WDR93: variants seen among roughly 807,000 people sequenced by gnomAD.
WDR93 encodes the protein WD repeat-containing protein 93.
In WDR93, 73 loss-of-function variants were observed where a neutral mutation model predicts 82.9. The observed-to-expected ratio is 0.88, with a 90% CI of 0.73 to 1.07. WDR93 has a LOEUF of 1.07. WDR93 is among the 50% of genes least tolerant of loss of function. The probability of loss-of-function intolerance (pLI) is 0.00; values close to 1 mark genes in which losing one functional copy is unlikely to be tolerated. For synonymous variants in WDR93, 283 were observed against 300.1 expected (o/e 0.94, Z 0.59); for missense variants, 738 against 826.0 (o/e 0.89, Z 1.31).
In WDR93 at chr15:89,727,379, G is replaced by A. The variant is rs558196429; in HGVS notation, c.1052+51G>A. ...CAGGGAGCATCCCCAGGCTTCTGCTGTCTTGGCACATGCAGGAATCAACCC... is the reference window on the plus strand; with the variant it reads ...CAGGGAGCATCCCCAGGCTTCTGCTATCTTGGCACATGCAGGAATCAACCC... On this transcript the variant is annotated intron_variant, in intron 9 of 16. Transcript: ENST00000268130. 6.3e-6 allele frequency: 10 copies of A among 1,588,012 alleles called. No individual in the cohort carries two copies. The South Asian group carries it at 1.0e-4, about 16-fold the overall frequency.
intron 4 of WDR93, among the ~76,000 whole-genome samples, chr15:89,706,347 G>T (rs1307446137): frequency 6.6e-6 from 1 of 151,570 alleles, no homozygotes; most frequent in Non-Finnish European, 1.5e-5. Flanking sequence ...TAGAGACAGG[G>T]TCTTGCCATG....
chr15:89,721,767 A>G (rs971745729), intron 7 of WDR93, among the ~76,000 whole-genome samples: 1 of 151,666 alleles, frequency 6.6e-6, no homozygotes, highest in African/African-American at 2.4e-5. Context: ...TGGGACTACA[A>G]GTGTGTCACC....
In WDR93 at chr15:89,733,038, G is replaced by C. The variant is rs746597989; in HGVS notation, c.1363G>C (p.Gly455Arg). Residue 455 changes from glycine to arginine, a missense_variant, in exon 13 of 17, where the codon GGA becomes CGA. Transcript: ENST00000268130. ...TCTTGGGGTCGCTGCTCTTCCTCAG[G>C]GATGTTTCTGCCAAAGCATTCACTT... ...FPLGVAALPQ[G>R]CFCQSIHFLK... The C allele has an allele frequency of 6.2e-7, 1 of 1,613,974 alleles. No individual in the cohort carries two copies. Among genetic ancestry groups the C allele is most frequent in the Non-Finnish European group, 8.5e-7 (1 of 1,180,038 alleles).
intron 1 of WDR93, among the ~76,000 whole-genome samples, chr15:89,691,556 A>G (rs892980042): frequency 8.5e-5 from 13 of 152,052 alleles, no homozygotes; most frequent in Non-Finnish European, 2.9e-5. Context: ...CGTCTCTACT[A>G]AAAATACAAA....
At chr15:89,715,989 TATATTA>T (rs1358301005) in intron 6 of WDR93, among the ~76,000 whole-genome samples, 34 of 152,256 alleles carry the variant, frequency 2.2e-4, no homozygotes, top group Non-Finnish European at 1.6e-4. Flanking sequence ...CCAACATTAA[TATATTA>T]ATATTAACTG....
At chr15:89,722,382 C>T (rs1304234546) in intron 8 of WDR93, among the ~76,000 whole-genome samples, 1 of 152,200 alleles carries the variant, frequency 6.6e-6, no homozygotes, top group African/African-American at 2.4e-5. Context: ...GATATCTTTT[C>T]TGAATTGCCA....
chr15:89,743,604 G>A lies in WDR93; in HGVS notation c.*213G>A. 3.4e-6 allele frequency: 2 copies of A among 581,476 alleles called. No homozygotes were observed. The highest frequency in any genetic ancestry group is 3.1e-6 in the Non-Finnish European group (1 of 326,468). 36.0% of individuals were successfully genotyped at this position (581,476 alleles called of 1,614,324 possible). On this transcript the variant is annotated 3_prime_UTR_variant, in exon 17 of 17. Coordinates refer to ENST00000268130, the MANE Select transcript of WDR93 (RefSeq NM_020212.2). ...TGTCAGAGCCCTCAGGCAGGCAGATGTGTCACCCAAATAAACAGTGATATT... is the reference window on the plus strand; with the variant it reads ...TGTCAGAGCCCTCAGGCAGGCAGATATGTCACCCAAATAAACAGTGATATT...
chr15:89,716,831 G>A, intron 6 of WDR93, 80 bp from the exon 7 acceptor site: 2 of 996,770 alleles, frequency 2.0e-6, no homozygotes, highest in Non-Finnish European at 3.0e-6. Context: ...GAGGGGAAGA[G>A]AGAGCATGCC....
intron 14 of WDR93, among the ~76,000 whole-genome samples, chr15:89,737,041 T>G (rs1402408626): frequency 6.6e-6 from 1 of 152,190 alleles, no homozygotes; most frequent in Non-Finnish European, 1.5e-5. Flanking sequence ...TCCGCCCACC[T>G]TGGCCTCCCA....
chr15:89,716,796 C>G (rs1966270530), intron 6 of WDR93, 115 bp from the exon 7 acceptor site: 2 of 753,020 alleles, frequency 2.7e-6, no homozygotes, highest in Admixed American at 5.5e-5. Flanking sequence ...ACATCTGTTG[C>G]ATGAATTCAC....
chr15:89,729,099 T>A lies in WDR93; in HGVS notation c.1123+6T>A. 6.2e-7 allele frequency: 1 copy of A among 1,613,672 alleles called. No individual in the cohort carries two copies. Among genetic ancestry groups the A allele is most frequent in the Non-Finnish European group, 8.5e-7 (1 of 1,179,638 alleles). On this transcript the variant is annotated splice_donor_region_variant and intron_variant, in intron 10 of 16. Coordinates refer to ENST00000268130, the MANE Select transcript of WDR93 (RefSeq NM_020212.2). ...GGAAGTCAAGGGCCCCTCAGGTAAA[T>A]GAACATGAAGTGGGTGGTTGTCCTA...
upstream of WDR93, among the ~76,000 whole-genome samples, chr15:89,690,363 G>A (rs1365225553): frequency 6.6e-6 from 1 of 152,214 alleles, no homozygotes; most frequent in Non-Finnish European, 1.5e-5. Flanking sequence ...TTTCGTGCAC[G>A]GGGCTAGGAC....
chr15:89,691,534 A>G (rs1311912755), intron 1 of WDR93, among the ~76,000 whole-genome samples: 1 of 152,182 alleles, frequency 6.6e-6, no homozygotes, highest in Non-Finnish European at 1.5e-5. Flanking sequence ...CCTGGCCAAC[A>G]GGGTGAAACC....
At chr15:89,698,921 T>A (rs1965317714) in intron 1 of WDR93, among the ~76,000 whole-genome samples, 1 of 152,154 alleles carries the variant, frequency 6.6e-6, no homozygotes, top group African/African-American at 2.4e-5. Flanking sequence ...AAACAGGATA[T>A]CTGTCACCCA....
intron 6 of WDR93, among the ~76,000 whole-genome samples, chr15:89,716,262 G>A (rs1966248461): frequency 6.6e-6 from 1 of 152,134 alleles, no homozygotes; most frequent in African/African-American, 2.4e-5. Context: ...CTCACATACT[G>A]CCTAGGTTTG....
intron 5 of WDR93, among the ~76,000 whole-genome samples, chr15:89,713,165 T>C (rs1966079219): frequency 7.3e-6 from 1 of 137,726 alleles, no homozygotes; most frequent in Non-Finnish European, 1.6e-5. Context: ...CTCCTGGAGG[T>C]AAGAGAATCA....
intron 14 of WDR93, among the ~76,000 whole-genome samples, 153 bp downstream of exon 14, chr15:89,735,706 C>A (rs935341096): frequency 6.6e-6 from 1 of 152,216 alleles, no homozygotes; most frequent in East Asian, 1.9e-4. Flanking sequence ...AGAGAAAGAA[C>A]CTGCCTTCAT....
intron 8 of WDR93, among the ~76,000 whole-genome samples, chr15:89,724,037 G>A (rs1165435268): frequency 6.6e-6 from 1 of 151,986 alleles, no homozygotes; most frequent in East Asian, 1.9e-4. Flanking sequence ...GTCTGTACTA[G>A]AAATACCAAA....
intron 9 of WDR93, among the ~76,000 whole-genome samples, chr15:89,727,811 G>A (rs1054085883): frequency 3.3e-5 from 5 of 151,644 alleles, no homozygotes; most frequent in East Asian, 1.9e-4. Context: ...GGCTGGGCAC[G>A]GTGGCTCAGG....
Sources: allele counts gnomAD v4.1 joint callset (sites outside exome capture counted in the v4.1 genomes callset), GRCh38; gene constraint gnomAD v4.1.1; transcripts MANE v1.5; gene names NCBI Gene and HGNC (gene_info 2026-07-23, HGNC 2026-07-21).